Variants in NTM observed in about 807,000 individuals in gnomAD.
NTM encodes IgLON family member 2.
A neutral mutation model predicts 42.1 loss-of-function variants in NTM; 13 were observed. The ratio of observed to expected loss-of-function variants is 0.31; its 90% CI spans 0.20 to 0.49. The LOEUF (loss-of-function observed/expected upper bound fraction) is 0.49, where lower values mean the gene tolerates loss of function less well. Among genes scored for constraint, NTM ranks in the 20% least tolerant of loss-of-function variants. NTM has a pLI of 0.99. For missense variants in NTM, 373 were observed against 452.8 expected, an observed-to-expected ratio of 0.82 and a Z score of 1.60; for synonymous variants, 187 against 179.2, an observed-to-expected ratio of 1.04 and a Z score of -0.35.
chr11:131,525,348 CTGTT>C (rs1244410906), intron 1 of NTM, among the ~76,000 whole-genome samples: 2 of 152,186 alleles, frequency 1.3e-5, no homozygotes, highest in South Asian at 2.1e-4. Context: ...ATTGGAAGCT[CTGTT>C]TGAATGTCAG....
chr11:131,598,033 A>G (rs919176844), intron 1 of NTM, among the ~76,000 whole-genome samples: 3 of 152,182 alleles, frequency 2.0e-5, no homozygotes, highest in Non-Finnish European at 4.4e-5. Context: ...CTGGGATCCA[A>G]TTGGCTCTGC....
chr11:131,647,847 T>C (rs2065956996), intron 1 of NTM, among the ~76,000 whole-genome samples: 1 of 152,232 alleles, frequency 6.6e-6, no homozygotes, highest in Non-Finnish European at 1.5e-5. Context: ...CCAGAAAGGA[T>C]AGTCTTTTTG....
intron 2 of NTM, among the ~76,000 whole-genome samples, chr11:132,066,799 C>A (rs576830651): frequency 2.6e-4 from 40 of 152,144 alleles, no homozygotes; most frequent in Non-Finnish European, 4.7e-4. Context: ...GCATTTAGGA[C>A]CCACTCAGAT....
intron 4 of NTM, among the ~76,000 whole-genome samples, chr11:132,278,682 T>G (rs2093832262): frequency 6.6e-6 from 1 of 152,018 alleles, no homozygotes; most frequent in Non-Finnish European, 1.5e-5. Flanking sequence ...CTGTCTTAGC[T>G]TCGTAATGCT....
chr11:131,985,626 G>C (rs2135004290), intron 2 of NTM, among the ~76,000 whole-genome samples: 1 of 152,270 alleles, frequency 6.6e-6, no homozygotes, highest in East Asian at 1.9e-4. Flanking sequence ...TCTTCCTGGG[G>C]TAAGGGGAGA....
chr11:131,675,890 C>G (rs956532234), intron 1 of NTM, among the ~76,000 whole-genome samples: 20 of 152,204 alleles, frequency 1.3e-4, no homozygotes, highest in African/African-American at 4.8e-4. Flanking sequence ...GCCCAGACGT[C>G]TGCTTGACTT....
chr11:131,849,918 A>T (rs2045334521), intron 1 of NTM, among the ~76,000 whole-genome samples: 1 of 151,494 alleles, frequency 6.6e-6, no homozygotes, highest in South Asian at 2.1e-4. Context: ...ACATGTATAC[A>T]TATGTAACAA....
intron 1 of NTM, among the ~76,000 whole-genome samples, chr11:131,865,759 AC>A (rs1367147954): frequency 1.3e-5 from 2 of 151,266 alleles, no homozygotes; most frequent in African/African-American, 4.9e-5. Context: ...CACAAGCTAC[AC>A]ACACATGCTA....
intron 1 of NTM, among the ~76,000 whole-genome samples, chr11:131,695,897 C>T (rs2075385636): frequency 6.6e-6 from 1 of 152,186 alleles, no homozygotes; most frequent in Admixed American, 6.5e-5. Flanking sequence ...CCCTTCACTC[C>T]TGCGCTCTGG....
chr11:131,927,914 G>T (rs953617577), intron 2 of NTM, among the ~76,000 whole-genome samples: 5 of 151,956 alleles, frequency 3.3e-5, no homozygotes, highest in African/African-American at 4.8e-5. Context: ...TTATAAGTCT[G>T]CATGAAACAT....
chr11:132,134,968 G>A (rs2067603928), intron 2 of NTM, among the ~76,000 whole-genome samples: 2 of 151,708 alleles, frequency 1.3e-5, no homozygotes, highest in South Asian at 4.2e-4. Flanking sequence ...TTCCATAGTG[G>A]TTGTATTTTT....
At position 131,672,600 on chromosome 11, in the gene NTM, G is replaced by A. The variant is rs149885909; in HGVS notation, c.83-238964G>A. 2.6e-3 allele frequency among the ~76,000 whole-genome samples: 390 copies of A among 152,280 alleles called. 1 individual carries two copies. Among genetic ancestry groups the A allele is most frequent in the Middle Eastern group, 0.014 (4 of 294 alleles). On this transcript the variant is annotated intron_variant, in intron 1 of 8. Coordinates refer to ENST00000683400, the MANE Select transcript of NTM (RefSeq NM_001352005.2). ...ACCTTGTCTTGTTCATGGTGCTGTA[G>A]GCTGGCATTAATTGTATGACAGAAT...
intron 2 of NTM, among the ~76,000 whole-genome samples, chr11:132,133,050 A>G (rs537532898): frequency 6.6e-6 from 1 of 152,346 alleles, no homozygotes; most frequent in South Asian, 2.1e-4. Context: ...GCTGTCATCC[A>G]AAATCTTTCT....
chr11:132,153,521 G>T (rs1020859195), intron 3 of NTM, among the ~76,000 whole-genome samples: 6 of 152,276 alleles, frequency 3.9e-5, no homozygotes, highest in African/African-American at 9.6e-5. Context: ...CCCATACAGA[G>T]TGTGTGATAC....
chr11:131,793,774 C>T (rs1464010811), intron 1 of NTM, among the ~76,000 whole-genome samples: 4 of 152,054 alleles, frequency 2.6e-5, no homozygotes, highest in Non-Finnish European at 4.4e-5. Flanking sequence ...TTCTGGAAGG[C>T]GAGGTTGAAA....
At chr11:132,006,052 C>A (rs1029680437) in intron 2 of NTM, among the ~76,000 whole-genome samples, 2 of 152,170 alleles carry the variant, frequency 1.3e-5, no homozygotes, top group African/African-American at 4.8e-5. Context: ...AGCCCCTTTC[C>A]CTTCCCCTCA....
At chr11:131,517,575 C>T (rs1389686115) in intron 1 of NTM, among the ~76,000 whole-genome samples, 2 of 152,052 alleles carry the variant, frequency 1.3e-5, no homozygotes, top group South Asian at 2.1e-4. Context: ...TAATTGATAA[C>T]TCAAGCATCA....
intron 2 of NTM, among the ~76,000 whole-genome samples, chr11:131,978,404 T>C (rs2064734930): frequency 6.6e-6 from 1 of 152,156 alleles, no homozygotes. Context: ...ATTATTCGGG[T>C]CAGAGCACCT....
chr11:132,162,108 T>G (rs1591922051), intron 3 of NTM, among the ~76,000 whole-genome samples: 1 of 152,182 alleles, frequency 6.6e-6, no homozygotes, highest in South Asian at 2.1e-4. Context: ...TGTGTGTTTG[T>G]GAGAGGAGTG....
Sources: allele counts gnomAD v4.1 joint callset (sites outside exome capture counted in the v4.1 genomes callset), GRCh38; gene constraint gnomAD v4.1.1; transcripts MANE v1.5; gene names NCBI Gene and HGNC (gene_info 2026-07-23, HGNC 2026-07-21).